FGD5: variants seen among roughly 807,000 people sequenced by gnomAD.
FGD5 encodes the protein FYVE, RhoGEF and PH domain-containing protein 5.
Under a neutral mutation model 133.4 loss-of-function variants are expected in FGD5, and 28 were observed. The observed-to-expected ratio is 0.21, with a 90% CI of 0.16 to 0.29. The LOEUF is 0.29. Ranked by LOEUF, FGD5 falls within the 10% of genes least tolerant of loss-of-function variation. The pLI is 1.00. For synonymous variants in FGD5, 810 were observed against 776.5 expected, an observed-to-expected ratio of 1.04 and a Z score of -0.72; for missense variants, 1,858 against 1,895.2, an observed-to-expected ratio of 0.98 and a Z score of 0.36.
Position 14,864,193 on chromosome 3 carries a change from C to T in FGD5, c.2591C>T (p.Ser864Leu), listed in dbSNP as rs200194734. Residue 864 changes from serine (S) to leucine (L), a missense_variant, in exon 2 of 20, where the codon TCG (serine) becomes TTG (leucine). Ser to Leu is a moderately radical substitution (Grantham distance 145). Transcript: ENST00000285046. ...SSAAPKEDLT[S>L]DEEQRSSEEE... Reference sequence around the variant, plus strand: ...GCAGCCCCCAAAGAGGACCTTACGTCGGATGAAGAGCAGAGAAGCTCGGAG... The same window carrying T: ...GCAGCCCCCAAAGAGGACCTTACGTTGGATGAAGAGCAGAGAAGCTCGGAG... The T allele has an allele frequency of 2.1e-4, 338 of 1,613,986 alleles. 2 individuals are homozygous for T. The African/African-American group carries it at 3.6e-3, about 17-fold the overall frequency.
At chr3:14,859,596 C>T (rs1283744372) in intron 1 of FGD5, among the ~76,000 whole-genome samples, 1 of 145,734 alleles carries the variant, frequency 6.9e-6, no homozygotes, top group Non-Finnish European at 1.5e-5. Flanking sequence ...AAAAGTTACC[C>T]TTACCCAAAA....
intron 1 of FGD5, among the ~76,000 whole-genome samples, chr3:14,827,281 CTTTTT>C (rs1176016508): frequency 2.9e-5 from 3 of 104,784 alleles, no homozygotes; most frequent in Non-Finnish European, 3.7e-5. Flanking sequence ...TTCTGGTATT[CTTTTT>C]TTTTTTTTTT....
chr3:14,883,056 G>T (rs1274586574), intron 4 of FGD5, among the ~76,000 whole-genome samples: 1 of 152,142 alleles, frequency 6.6e-6, no homozygotes, highest in Admixed American at 6.5e-5. Context: ...TATTGTTGTT[G>T]GGGGCGCGGA....
chr3:14,856,482 A>G (rs1349329084), intron 1 of FGD5, among the ~76,000 whole-genome samples: 1 of 152,170 alleles, frequency 6.6e-6, no homozygotes, highest in Non-Finnish European at 1.5e-5. Context: ...CATTTTTACA[A>G]TAGTAATTCT....
intron 1 of FGD5, among the ~76,000 whole-genome samples, chr3:14,847,328 G>A (rs1203704785): frequency 6.6e-6 from 1 of 152,188 alleles, no homozygotes; most frequent in African/African-American, 2.4e-5. Flanking sequence ...TGAGGAAACT[G>A]AGGCACATAG....
chr3:14,871,899 C>T (rs1359944967), intron 2 of FGD5, among the ~76,000 whole-genome samples: 9 of 152,362 alleles, frequency 5.9e-5, no homozygotes, highest in East Asian at 1.9e-4. Context: ...CACTCTCTCT[C>T]GCTCTTCATG....
At chr3:14,877,000 A>G (rs1469061173) in intron 2 of FGD5, among the ~76,000 whole-genome samples, 1 of 152,226 alleles carries the variant, frequency 6.6e-6, no homozygotes, top group Non-Finnish European at 1.5e-5. Context: ...CCCTGGGGAC[A>G]GCCTCAGGCA....
At position 14,853,981 on chromosome 3, in the gene FGD5, G is replaced by A. The variant is rs145413604; in HGVS notation, c.2526-10147G>A. On this transcript the variant is annotated intron_variant, in intron 1 of 19. Transcript: ENST00000285046. ...TACAGTCCCAGGGAGACTAGGCGGG[G>A]GGTTTAGAATTTGGCCCTTCTGCAG... 3.9e-5 allele frequency among the ~76,000 whole-genome samples: 6 copies of A among 152,018 alleles called. No individual in the cohort carries two copies. The East Asian group carries it at 1.2e-3, about 30-fold the overall frequency.
At chr3:14,866,835 C>G (rs1466559403) in intron 2 of FGD5, among the ~76,000 whole-genome samples, 3 of 152,060 alleles carry the variant, frequency 2.0e-5, no homozygotes, top group African/African-American at 7.2e-5. Flanking sequence ...TTCATGTGTC[C>G]TGTGGGGGCC....
At chr3:14,883,014 C>T (rs926042344) in intron 4 of FGD5, among the ~76,000 whole-genome samples, 2 of 152,132 alleles carry the variant, frequency 1.3e-5, no homozygotes, top group African/African-American at 4.8e-5. Context: ...CCCCAAATCT[C>T]CCCAGCAGGA....
intron 1 of FGD5, among the ~76,000 whole-genome samples, chr3:14,851,066 A>G (rs2037154296): frequency 6.6e-6 from 1 of 152,174 alleles, no homozygotes; most frequent in South Asian, 2.1e-4. Flanking sequence ...TGGGGAAACT[A>G]AGGCCCTTGG....
At chr3:14,856,279 T>C (rs1268358476) in intron 1 of FGD5, among the ~76,000 whole-genome samples, 1 of 152,218 alleles carries the variant, frequency 6.6e-6, no homozygotes, top group East Asian at 1.9e-4. Context: ...ACTATAGCTT[T>C]GTAGTATATT....
chr3:14,811,052 G>C (rs1575181131), intron 1 of FGD5, among the ~76,000 whole-genome samples: 1 of 152,168 alleles, frequency 6.6e-6, no homozygotes, highest in Middle Eastern at 3.4e-3. Context: ...CTGAGAACCG[G>C]GGGTCCCCGT....
At chr3:14,817,981 C>G, upstream of FGD5, among the ~76,000 whole-genome samples, 1 of 152,172 alleles carries the variant, frequency 6.6e-6, no homozygotes, top group East Asian at 1.9e-4. Flanking sequence ...AAGTTGGCAA[C>G]CACTCATTTG....
At chr3:14,853,397 C>G (rs184134212) in intron 1 of FGD5, among the ~76,000 whole-genome samples, 12 of 152,252 alleles carry the variant, frequency 7.9e-5, no homozygotes, top group Admixed American at 7.2e-4. Flanking sequence ...TTGGGATACT[C>G]ATTCTCACCA....
chr3:14,928,373 A>T (rs1223365347), intron 18 of FGD5, among the ~76,000 whole-genome samples: 1 of 152,012 alleles, frequency 6.6e-6, no homozygotes, highest in Non-Finnish European at 1.5e-5. Context: ...TGCCCAGCCT[A>T]TTTTTTTCAA....
In FGD5 at chr3:14,933,421, A is replaced by G. The variant is rs928657303; in HGVS notation, c.*254A>G. On this transcript the variant is annotated 3_prime_UTR_variant, in exon 20 of 20. Transcript: ENST00000285046. ...ACCCCCACCCGCCACCCAGTAATAAACTATTTCCTTACCCCGCAGTGAGTT... is the reference window on the plus strand; with the variant it reads ...ACCCCCACCCGCCACCCAGTAATAAGCTATTTCCTTACCCCGCAGTGAGTT... 3.7e-5 allele frequency: 19 copies of G among 512,090 alleles called. No homozygotes were observed. The highest frequency in any genetic ancestry group is 6.7e-5 in the Non-Finnish European group (19 of 284,586). The allele number at this position is 512,090 out of a possible 1,614,324, so 31.7% of individuals were successfully genotyped here. A position where few individuals can be genotyped will look rare whatever the true frequency, so the allele number is the denominator to read the frequency against.
At chr3:14,834,260 C>T (rs1436694959) in intron 1 of FGD5, among the ~76,000 whole-genome samples, 2 of 152,120 alleles carry the variant, frequency 1.3e-5, no homozygotes, top group East Asian at 3.8e-4. Context: ...AGTCAGATGG[C>T]TGAGTTCAAA....
At chr3:14,811,211 C>G (rs2036288430) in intron 1 of FGD5, 1 of 152,280 alleles carries the variant, frequency 6.6e-6, no homozygotes, top group Non-Finnish European at 1.5e-5. Flanking sequence ...GCGACTTCGT[C>G]TGGCCCCAAA....
Sources: allele counts gnomAD v4.1 joint callset (sites outside exome capture counted in the v4.1 genomes callset), GRCh38; gene constraint gnomAD v4.1.1; transcripts MANE v1.5; gene names NCBI Gene and HGNC (gene_info 2026-07-23, HGNC 2026-07-21).